FBXO46: variants seen among roughly 807,000 people sequenced by gnomAD.
FBXO46 encodes the protein F-box protein 46.
In FBXO46, 13 loss-of-function variants were observed where a neutral mutation model predicts 30.7. The ratio of observed to expected loss-of-function variants is 0.42; its 90% CI spans 0.28 to 0.67. FBXO46 has a LOEUF of 0.67. Among genes scored for constraint, FBXO46 ranks in the 30% least tolerant of loss-of-function variants. The probability of loss-of-function intolerance (pLI) is 0.21; values close to 1 mark genes in which losing one functional copy is unlikely to be tolerated. For missense variants in FBXO46, 754 were observed against 871.5 expected, an observed-to-expected ratio of 0.87 and a Z score of 1.70; for synonymous variants, 467 against 385.8, an observed-to-expected ratio of 1.21 and a Z score of -2.47.
chr19:45,711,801 G>A lies in FBXO46; in HGVS notation c.1695C>T (p.Cys565=). 1 of 1,611,514 alleles carries A rather than the reference G, an allele frequency of 6.2e-7. No individual in the cohort carries two copies. The change falls in exon 2 of 2, where the codon TGC becomes TGT. Residue 565 remains cysteine (C), a synonymous_variant. Transcript: ENST00000317683. Reference sequence around the variant, plus strand: ...GAGTCTCGCGGTCGGCTCGACGGCAGCACATCCAGTAGGAACGTCCGTAAG... The same window carrying A: ...GAGTCTCGCGGTCGGCTCGACGGCAACACATCCAGTAGGAACGTCCGTAAG... ...DLPYGRSYWM[C]CRRADRETPG... is the part of the protein sequence containing the mutation.
chr19:45,721,452 G>A (rs760249898), intron 1 of FBXO46, among the ~76,000 whole-genome samples: 14 of 132,724 alleles, frequency 1.1e-4, no homozygotes, highest in Non-Finnish European at 1.8e-4. Context: ...AGATGACCCC[G>A]CTCCCCATCA....
At position 45,713,674 on chromosome 19, in the gene FBXO46, A is replaced by C. The variant is rs545225228; in HGVS notation, c.-78-101T>G. ...CCTTAGACCAAACCAGACCATCAAG[A>C]ACTCTATTCCTGGCTGGGCGCGGTG... On this transcript the variant is annotated intron_variant, in intron 1 of 1. Coordinates refer to ENST00000317683, the MANE Select transcript of FBXO46 (RefSeq NM_001080469.2). This position sits in a 1 kb window ranked among gnomAD's most constrained non-coding sequence, Gnocchi z 4.7. The C allele has an allele frequency of 1.8e-6, 1 of 548,562 alleles. No homozygotes were observed. Among genetic ancestry groups the C allele is most frequent in the South Asian group, 2.9e-5 (1 of 34,532 alleles). The allele number at this position is 548,562 out of a possible 1,614,324, so 34.0% of individuals were successfully genotyped here.
At chr19:45,728,450 A>AAGTT (rs1198560915) in intron 1 of FBXO46, among the ~76,000 whole-genome samples, 1 of 152,220 alleles carries the variant, frequency 6.6e-6, no homozygotes, top group Non-Finnish European at 1.5e-5. Flanking sequence ...CTCATAAAGT[A>AAGTT]AGTTCCACTA....
Position 45,712,918 on chromosome 19 carries a change from G to A in FBXO46, c.578C>T (p.Pro193Leu), listed in dbSNP as rs770164618. 24 of 1,608,068 alleles carry A rather than the reference G, an allele frequency of 1.5e-5. No homozygotes were observed. In the East Asian group the frequency reaches 1.6e-4, roughly 11 times the overall value. ...AAAGACTACAGGCGCTGGGGTGGTC[G>A]GTCGTGGGTAGCTCTGCAGGGCCAG... ...AALALQSYPR[P>L]TTPAPVVFVS... is the part of the protein sequence containing the mutation. The change falls in exon 2 of 2, where the codon CCG (proline) becomes CTG (leucine). Residue 193 changes from proline to leucine, a missense_variant. Transcript: ENST00000317683. This position sits in a 1 kb window ranked among gnomAD's most constrained non-coding sequence, Gnocchi z 8.8.
At chr19:45,732,928 G>T (rs191686331), upstream of FBXO46, among the ~76,000 whole-genome samples, 5 of 151,498 alleles carry the variant, frequency 3.3e-5, no homozygotes, top group East Asian at 9.7e-4. Flanking sequence ...CCGAGTTCCC[G>T]TCTCACCGGA....
chr19:45,720,203 A>C (rs1331549151), intron 1 of FBXO46, among the ~76,000 whole-genome samples: 1 of 151,996 alleles, frequency 6.6e-6, no homozygotes, highest in Non-Finnish European at 1.5e-5. Context: ...GGCTCACTGC[A>C]ATCACTGCAA....
intron 1 of FBXO46, among the ~76,000 whole-genome samples, chr19:45,727,649 C>G (rs1968256494): frequency 6.6e-6 from 1 of 152,062 alleles, no homozygotes; most frequent in Non-Finnish European, 1.5e-5. Flanking sequence ...GGTTTTGACC[C>G]TGCGCCTCTC....
chr19:45,732,351 A>C (rs1385039991), upstream of FBXO46, among the ~76,000 whole-genome samples: 3 of 151,870 alleles, frequency 2.0e-5, no homozygotes, highest in Non-Finnish European at 4.4e-5. Context: ...AAACGATTTG[A>C]ACTGAAATGT....
At position 45,710,932 on chromosome 19, in the gene FBXO46, A is replaced by T. The variant is rs1967946139; in HGVS notation, c.*752T>A. On this transcript the variant is annotated 3_prime_UTR_variant, in exon 2 of 2. Coordinates refer to ENST00000317683, the MANE Select transcript of FBXO46 (RefSeq NM_001080469.2). ...CACGGGGCCCCCCCACGCTGTCAAA[A>T]GCGAGGCAAAGGGCTTCACAGCTTT... is the stretch of plus-strand genomic sequence containing the variant. 1 of 179,942 alleles carries T rather than the reference A, an allele frequency of 5.6e-6. No homozygotes were observed. Among genetic ancestry groups the T allele is most frequent in the Non-Finnish European group, 1.2e-5 (1 of 86,114 alleles). The allele number at this position is 179,942 out of a possible 1,614,324, so 11.1% of individuals were successfully genotyped here.
At chr19:45,715,702 G>A (rs1036625796) in intron 1 of FBXO46, 9 of 150,142 alleles carry the variant, frequency 6.0e-5, no homozygotes, top group African/African-American at 2.2e-4. Context: ...ATCTACTCAG[G>A]AGGCTGAGGC....
At chr19:45,724,863 G>C (rs111406579) in intron 1 of FBXO46, among the ~76,000 whole-genome samples, 77 of 152,268 alleles carry the variant, frequency 5.1e-4, no homozygotes, top group African/African-American at 1.8e-3. Context: ...GTGTTGGCCA[G>C]GCTGGTCACA....
intron 1 of FBXO46, chr19:45,717,285 G>A (rs1193011325): frequency 6.6e-5 from 10 of 152,042 alleles, no homozygotes; most frequent in East Asian, 5.8e-4. Context: ...CCCAGGCGGC[G>A]GGAGAAGGCT....
At chr19:45,727,377 G>A (rs573823087) in intron 1 of FBXO46, among the ~76,000 whole-genome samples, 1 of 152,248 alleles carries the variant, frequency 6.6e-6, no homozygotes, top group South Asian at 2.1e-4. Context: ...GGCCAAGATG[G>A]TGAAACCTCA....
intron 1 of FBXO46, among the ~76,000 whole-genome samples, chr19:45,719,696 T>C (rs1463814048): frequency 6.6e-6 from 1 of 152,234 alleles, no homozygotes; most frequent in Non-Finnish European, 1.5e-5. Flanking sequence ...TCTCTGACAT[T>C]CACTGTGGTC....
chr19:45,727,653 G>A (rs1165893114), intron 1 of FBXO46, among the ~76,000 whole-genome samples: 1 of 151,884 alleles, frequency 6.6e-6, no homozygotes, highest in Non-Finnish European at 1.5e-5. Flanking sequence ...TTGACCCTGC[G>A]CCTCTCTGAA....
chr19:45,727,926 G>A (rs372611686), intron 1 of FBXO46, among the ~76,000 whole-genome samples: 26 of 152,270 alleles, frequency 1.7e-4, no homozygotes, highest in African/African-American at 6.3e-4. Context: ...TGGGAATGGG[G>A]ACACACTGAG....
chr19:45,730,533 GC>G (rs998230844), intron 1 of FBXO46, among the ~76,000 whole-genome samples: 1 of 151,774 alleles, frequency 6.6e-6, no homozygotes, highest in Non-Finnish European at 1.5e-5. Context: ...CGCAGGTTAA[GC>G]CCCCATCGAA....
At position 45,712,242 on chromosome 19, in the gene FBXO46, C is replaced by T. The variant is rs760895770; in HGVS notation, c.1254G>A (p.Gly418=). ...AGTCGGCCGGGGGTGGCTCCGGGGGCCCGTCCGGCCCGCGGTTCTGGAGAA... is the reference window on the plus strand; with the variant it reads ...AGTCGGCCGGGGGTGGCTCCGGGGGTCCGTCCGGCCCGCGGTTCTGGAGAA... ...LFFLQNRGPD[G]PPEPPPADSP... is the part of the protein sequence containing the mutation. Residue 418 remains glycine (G), a synonymous_variant, in exon 2 of 2, where the codon GGG becomes GGA. Transcript: ENST00000317683. The surrounding 1 kb of genome is among the most constrained non-coding windows in gnomAD (Gnocchi z 8.8). 6.2e-7 allele frequency: 1 copy of T among 1,604,290 alleles called. No individual in the cohort carries two copies. Among genetic ancestry groups the T allele is most frequent in the Non-Finnish European group, 8.5e-7 (1 of 1,178,246 alleles).
At chr19:45,720,307 T>G (rs1968152257) in intron 1 of FBXO46, among the ~76,000 whole-genome samples, 1 of 152,066 alleles carries the variant, frequency 6.6e-6, no homozygotes, top group East Asian at 1.9e-4. Flanking sequence ...AATTTTTTCA[T>G]TTTTAGTAGA....
Sources: allele counts gnomAD v4.1 joint callset (sites outside exome capture counted in the v4.1 genomes callset), GRCh38; gene constraint gnomAD v4.1.1; non-coding constraint Gnocchi (gnomAD v3.1); transcripts MANE v1.5; gene names NCBI Gene and HGNC (gene_info 2026-07-23, HGNC 2026-07-21).